Variants in PAFAH1B1 observed in about 807,000 individuals in gnomAD.
The protein encoded by PAFAH1B1 is platelet activating factor acetylhydrolase 1b regulatory subunit 1.
A neutral mutation model predicts 57.5 loss-of-function variants in PAFAH1B1; 2 were observed. The ratio of observed to expected loss-of-function variants is 0.03; its 90% confidence interval spans 0.01 to 0.11. The LOEUF (loss-of-function observed/expected upper bound fraction) is 0.11, where lower values mean the gene tolerates loss of function less well. Ranked by LOEUF, PAFAH1B1 falls within the 10% of genes least tolerant of loss-of-function variation. The pLI, the probability that PAFAH1B1 is intolerant of heterozygous loss-of-function variation, is 1.00. For missense variants in PAFAH1B1, 257 were observed against 512.0 expected (o/e 0.50, Z 4.81); for synonymous variants, 152 against 169.6 (o/e 0.90, Z 0.81).
chr17:2,648,253 T>A (rs2068795587), intron 2 of PAFAH1B1, among the ~76,000 whole-genome samples: 1 of 152,028 alleles, frequency 6.6e-6, no homozygotes, highest in Non-Finnish European at 1.5e-5. Context: ...CCAGTTACCT[T>A]CCACCGGGTC....
chr17:2,624,599 G>GC (rs1434292612), intron 1 of PAFAH1B1, among the ~76,000 whole-genome samples: 1 of 152,080 alleles, frequency 6.6e-6, no homozygotes, highest in East Asian at 1.9e-4. Flanking sequence ...ACTTACTATC[G>GC]CAACAATAGC....
chr17:2,667,240 A>G (rs772470694), intron 5 of PAFAH1B1, 42 bp downstream of exon 5: 12 of 1,476,858 alleles, frequency 8.1e-6, no homozygotes, highest in Non-Finnish European at 9.5e-6. Flanking sequence ...AGGCTGAAGC[A>G]GGAGAATGGC....
chr17:2,617,414 G>A (rs2068358769), intron 1 of PAFAH1B1, among the ~76,000 whole-genome samples: 1 of 152,168 alleles, frequency 6.6e-6, no homozygotes, highest in African/African-American at 2.4e-5. Flanking sequence ...GTAACTAATA[G>A]AAAAGCGAGG....
intron 1 of PAFAH1B1, among the ~76,000 whole-genome samples, chr17:2,595,745 A>G (rs1338327421): frequency 7.2e-5 from 11 of 152,162 alleles, no homozygotes; most frequent in Non-Finnish European, 1.6e-4. Flanking sequence ...GGAATCTCCT[A>G]AAAGAAATTG....
intron 2 of PAFAH1B1, 97 bp downstream of exon 2, chr17:2,638,417 A>G: frequency 2.0e-6 from 2 of 982,764 alleles, no homozygotes; most frequent in South Asian, 1.4e-5. Flanking sequence ...TCTAAGATTA[A>G]AACTATTTTT....
intron 2 of PAFAH1B1, among the ~76,000 whole-genome samples, chr17:2,651,515 G>A (rs778100894): frequency 1.4e-4 from 21 of 151,110 alleles, no homozygotes; most frequent in Non-Finnish European, 2.5e-4. Context: ...AGCCTGGGAG[G>A]TAGAGGCTGC....
intron 1 of PAFAH1B1, among the ~76,000 whole-genome samples, chr17:2,623,208 G>A (rs1309766425): frequency 6.6e-6 from 1 of 151,606 alleles, no homozygotes; most frequent in Non-Finnish European, 1.5e-5. Flanking sequence ...TGCTTCTTAT[G>A]CAGATTTCTG....
intron 1 of PAFAH1B1, among the ~76,000 whole-genome samples, chr17:2,608,027 T>A (rs2068225934): frequency 6.6e-6 from 1 of 152,206 alleles, no homozygotes; most frequent in African/African-American, 2.4e-5. Flanking sequence ...GCATTATTGA[T>A]ATATGTAGAT....
At chr17:2,652,204 A>T (rs1047722873) in intron 2 of PAFAH1B1, among the ~76,000 whole-genome samples, 1 of 152,082 alleles carries the variant, frequency 6.6e-6, no homozygotes, top group African/African-American at 2.4e-5. Flanking sequence ...AGGTCAGGAG[A>T]TCGAGACCAT....
intron 2 of PAFAH1B1, among the ~76,000 whole-genome samples, chr17:2,651,191 C>T (rs1035455566): frequency 6.6e-6 from 1 of 152,036 alleles, no homozygotes; most frequent in African/African-American, 2.4e-5. Context: ...GATCTGAAAA[C>T]ACCTTCTTAT....
At chr17:2,636,892 T>A (rs1434565808) in intron 1 of PAFAH1B1, among the ~76,000 whole-genome samples, 1 of 152,140 alleles carries the variant, frequency 6.6e-6, no homozygotes, top group Non-Finnish European at 1.5e-5. Flanking sequence ...ACCTAATTTT[T>A]AAAATTTTCT....
chr17:2,615,410 G>T (rs1024408367), intron 1 of PAFAH1B1, among the ~76,000 whole-genome samples: 13 of 152,102 alleles, frequency 8.5e-5, no homozygotes, highest in Non-Finnish European at 1.6e-4. Flanking sequence ...GTTCAAAATG[G>T]CTTCATTTCG....
At chr17:2,633,964 T>C (rs1385913365) in intron 1 of PAFAH1B1, among the ~76,000 whole-genome samples, 2 of 73,136 alleles carry the variant, frequency 2.7e-5, no homozygotes, top group South Asian at 7.2e-4. Flanking sequence ...ACCAAACCTT[T>C]TTTTTTTTTT....
At chr17:2,663,824 AGC>A (rs1339420754) in intron 2 of PAFAH1B1, among the ~76,000 whole-genome samples, 1 of 151,706 alleles carries the variant, frequency 6.6e-6, no homozygotes, top group Non-Finnish European at 1.5e-5. Flanking sequence ...TCTTCCAAGT[AGC>A]TGGGACTACA....
intron 5 of PAFAH1B1, among the ~76,000 whole-genome samples, chr17:2,668,915 G>T (rs1295495178): frequency 6.6e-6 from 1 of 151,910 alleles, no homozygotes; most frequent in Non-Finnish European, 1.5e-5. Context: ...GGCGGAGCTT[G>T]CAGTGAGCCA....
chr17:2,616,510 C>A (rs1387203675), intron 1 of PAFAH1B1, among the ~76,000 whole-genome samples: 1 of 152,148 alleles, frequency 6.6e-6, no homozygotes, highest in Non-Finnish European at 1.5e-5. Context: ...TTCTATCTTA[C>A]TTGGGAAATC....
intron 1 of PAFAH1B1, among the ~76,000 whole-genome samples, chr17:2,634,834 C>T (rs1033441241): frequency 1.3e-5 from 2 of 152,096 alleles, no homozygotes; most frequent in African/African-American, 4.8e-5. Flanking sequence ...GCCTTCTTGG[C>T]CGATGCTTCC....
At chr17:2,676,832 G>A (rs945797457) in intron 9 of PAFAH1B1, among the ~76,000 whole-genome samples, 2 of 152,190 alleles carry the variant, frequency 1.3e-5, no homozygotes, top group Admixed American at 6.5e-5. Flanking sequence ...GGTGTTTGAG[G>A]GGGAGATGCT....
chr17:2,645,421 C>T (rs551245584), intron 2 of PAFAH1B1, among the ~76,000 whole-genome samples: 3 of 151,758 alleles, frequency 2.0e-5, no homozygotes, highest in Admixed American at 2.0e-4. Context: ...TGGTGAAACC[C>T]ACCTCTACTA....
Sources: allele counts gnomAD v4.1 joint callset (sites outside exome capture counted in the v4.1 genomes callset), GRCh38; gene constraint gnomAD v4.1.1; transcripts MANE v1.5; gene names NCBI Gene and HGNC (gene_info 2026-07-23, HGNC 2026-07-21).